Variants in ZNF277 observed in about 807,000 individuals in gnomAD.
ZNF277 encodes zinc finger protein 277.
Under a neutral mutation model 60.7 loss-of-function variants are expected in ZNF277, and 55 were observed. That is an observed-to-expected ratio of 0.91 (90% CI 0.73 to 1.13). The LOEUF (loss-of-function observed/expected upper bound fraction) is 1.13. ZNF277 is among the 50% of genes most tolerant of loss of function. ZNF277 has a pLI of 0.00. For synonymous variants in ZNF277, 178 were observed against 179.3 expected (o/e 0.99, Z 0.06); for missense variants, 510 against 523.0 (o/e 0.98, Z 0.24).
chr7:112,215,569 G>A (rs1257248412), intron 1 of ZNF277, among the ~76,000 whole-genome samples: 2 of 152,206 alleles, frequency 1.3e-5, no homozygotes, highest in African/African-American at 4.8e-5. Flanking sequence ...GTTCCATATA[G>A]CACTGTGGGA....
intron 1 of ZNF277, among the ~76,000 whole-genome samples, chr7:112,249,220 A>T (rs1791146986): frequency 6.6e-6 from 1 of 152,152 alleles, no homozygotes; most frequent in African/African-American, 2.4e-5. Context: ...AAGCAATTTT[A>T]TGTTGCCAGG....
At chr7:112,272,173 G>A (rs1280942821) in intron 1 of ZNF277, among the ~76,000 whole-genome samples, 1 of 152,088 alleles carries the variant, frequency 6.6e-6, no homozygotes, top group Non-Finnish European at 1.5e-5. Flanking sequence ...AAATAAGGGA[G>A]AACATGCAAA....
intron 1 of ZNF277, among the ~76,000 whole-genome samples, chr7:112,220,538 T>G (rs1166785488): frequency 1.3e-5 from 2 of 152,212 alleles, no homozygotes; most frequent in Non-Finnish European, 2.9e-5. Flanking sequence ...GGCCAGGGCT[T>G]CAATACTGTG....
chr7:112,296,190 A>G (rs1484556449), intron 3 of ZNF277, 39 bp from the exon 4 acceptor site: 2 of 1,373,512 alleles, frequency 1.5e-6, no homozygotes, highest in Non-Finnish European at 2.0e-6. Flanking sequence ...AAAATGGTTA[A>G]TATCTGTTTT....
At chr7:112,261,251 G>A (rs1439811018) in intron 1 of ZNF277, among the ~76,000 whole-genome samples, 3 of 152,150 alleles carry the variant, frequency 2.0e-5, no homozygotes, top group African/African-American at 7.2e-5. Context: ...CATAAGTGAT[G>A]GAAATGAAGT....
In ZNF277 at chr7:112,269,218, TTTG is replaced by T. The variant is rs529880097; in HGVS notation, c.92-17652_92-17650del. Among the ~76,000 whole-genome samples, 13 of 151,356 alleles carry T rather than the reference TTTG, an allele frequency of 8.6e-5. No homozygotes were observed. The East Asian group carries it at 2.5e-3, about 29-fold the overall frequency. On this transcript the variant is annotated intron_variant, in intron 1 of 11. Coordinates refer to ENST00000361822, the MANE Select transcript of ZNF277 (RefSeq NM_021994.3). ...TACAATGGATTTTTTTTGTTTTTTT[TTTG>T]TTTGTTTTACAATTTGCTGTAAATA...
intron 1 of ZNF277, among the ~76,000 whole-genome samples, chr7:112,244,726 T>C (rs981456485): frequency 1.3e-5 from 2 of 152,200 alleles, no homozygotes; most frequent in Non-Finnish European, 2.9e-5. Context: ...TTATGTCACC[T>C]ATTGCCTAAT....
At chr7:112,232,183 A>G (rs1822358420) in intron 1 of ZNF277, among the ~76,000 whole-genome samples, 1 of 151,894 alleles carries the variant, frequency 6.6e-6, no homozygotes, top group South Asian at 2.1e-4. Context: ...GATCTAAGGA[A>G]TTAAAACAGG....
intron 1 of ZNF277, among the ~76,000 whole-genome samples, chr7:112,217,101 G>T (rs536696709): frequency 6.6e-6 from 1 of 152,290 alleles, no homozygotes; most frequent in East Asian, 1.9e-4. Context: ...GAATAACATT[G>T]GTCTTGCCAT....
intron 4 of ZNF277, among the ~76,000 whole-genome samples, chr7:112,314,749 T>C (rs968261494): frequency 6.6e-6 from 1 of 152,114 alleles, no homozygotes; most frequent in Non-Finnish European, 1.5e-5. Flanking sequence ...TGATCCGTGA[T>C]CATGCCACTG....
chr7:112,289,953 A>G (rs867223386), intron 2 of ZNF277, among the ~76,000 whole-genome samples: 1 of 151,750 alleles, frequency 6.6e-6, no homozygotes, highest in Non-Finnish European at 1.5e-5. Flanking sequence ...CAGGTTAGTT[A>G]CACACGTATA....
chr7:112,291,434 T>C (rs973228180), intron 2 of ZNF277, among the ~76,000 whole-genome samples: 3 of 152,354 alleles, frequency 2.0e-5, no homozygotes, highest in Middle Eastern at 3.4e-3. Flanking sequence ...ATTACTTTTA[T>C]AGATTTTTAA....
At chr7:112,342,501 G>A in intron 11 of ZNF277, 60 bp from the exon 12 acceptor site, 1 of 1,353,320 alleles carries the variant, frequency 7.4e-7, no homozygotes, top group Non-Finnish European at 9.7e-7. Flanking sequence ...TGTACATTCA[G>A]CTACCTGGAC....
chr7:112,343,934 G>GA (rs58956925), downstream of ZNF277, among the ~76,000 whole-genome samples: 3,199 of 113,870 alleles, frequency 0.028, 44 homozygotes, highest in East Asian at 0.07. Flanking sequence ...TCAAAAAAAG[G>GA]AAAAAAAAAA....
chr7:112,339,970 G>A, intron 10 of ZNF277, 85 bp downstream of exon 10: 5 of 1,280,566 alleles, frequency 3.9e-6, no homozygotes, highest in Non-Finnish European at 5.6e-6. Context: ...CAGTAGCTAT[G>A]ATTGGAGAGT....
At chr7:112,308,243 C>T (rs115997948) in intron 4 of ZNF277, among the ~76,000 whole-genome samples, 2 of 151,912 alleles carry the variant, frequency 1.3e-5, no homozygotes, top group South Asian at 2.1e-4. Context: ...TGGCTGGGTG[C>T]GGTGGCTCAC....
intron 1 of ZNF277, among the ~76,000 whole-genome samples, chr7:112,208,148 G>T (rs989884716): frequency 1.3e-5 from 2 of 151,886 alleles, no homozygotes; most frequent in East Asian, 3.9e-4. Flanking sequence ...AGGCCGAGGC[G>T]AGTGGATCAC....
intron 4 of ZNF277, among the ~76,000 whole-genome samples, chr7:112,302,295 G>A (rs544476035): frequency 1.3e-5 from 2 of 151,900 alleles, no homozygotes; most frequent in East Asian, 1.9e-4. Context: ...ATGAAATTGC[G>A]TATCTCCCAC....
chr7:112,324,372 A>G lies in ZNF277; in HGVS notation c.558-3345A>G, dbSNP rs569387471. Among the ~76,000 whole-genome samples, 236 of 152,352 alleles carry G rather than the reference A, an allele frequency of 1.5e-3. 1 individual carries two copies. The highest frequency in any genetic ancestry group is 5.4e-3 in the African/African-American group (223 of 41,590). ...CATTAATAATAAAATTAAGTTTATA[A>G]AGAAAGGAGTTGCAATAATAATTTA... is the stretch of plus-strand genomic sequence containing the variant. On this transcript the variant is annotated intron_variant, in intron 5 of 11. Coordinates refer to ENST00000361822, the MANE Select transcript of ZNF277 (RefSeq NM_021994.3).
Sources: allele counts gnomAD v4.1 joint callset (sites outside exome capture counted in the v4.1 genomes callset), GRCh38; gene constraint gnomAD v4.1.1; transcripts MANE v1.5; gene names NCBI Gene and HGNC (gene_info 2026-07-23, HGNC 2026-07-21).